The following DAB1 variants were observed in gnomAD, a reference collection of about 807,000 sequenced individuals.
DAB1 encodes disabled homolog 1.
A neutral mutation model predicts 64.6 loss-of-function variants in DAB1; 15 were observed. The observed-to-expected ratio is 0.23, with a 90% confidence interval of 0.16 to 0.36. The LOEUF (loss-of-function observed/expected upper bound fraction) is 0.36, where lower values mean the gene tolerates loss of function less well. Ranked by LOEUF, DAB1 falls within the 10% of genes least tolerant of loss-of-function variation. DAB1 has a pLI of 1.00. For synonymous variants in DAB1, 235 were observed against 251.9 expected, an observed-to-expected ratio of 0.93 and a Z score of 0.64; for missense variants, 596 against 706.7, an observed-to-expected ratio of 0.84 and a Z score of 1.78.
At chr1:57,979,255 C>A (rs138114396) in intron 5 of DAB1, among the ~76,000 whole-genome samples, 4 of 152,144 alleles carry the variant, frequency 2.6e-5, no homozygotes, top group Non-Finnish European at 5.9e-5. Context: ...TGAGTTCATG[C>A]CCTTTGCGGG....
At chr1:57,620,724 A>G in intron 7 of DAB1, among the ~76,000 whole-genome samples, 1 of 152,220 alleles carries the variant, frequency 6.6e-6, no homozygotes, top group East Asian at 1.9e-4. Context: ...GAGAGAACAC[A>G]GATGCAGAGA....
chr1:58,093,694 A>AG (rs1394491910), intron 5 of DAB1, among the ~76,000 whole-genome samples: 4 of 151,576 alleles, frequency 2.6e-5, no homozygotes, highest in South Asian at 2.1e-4. Flanking sequence ...AGGGTTCAAA[A>AG]GGGAAAAAAA....
At chr1:58,143,763 T>A (rs1041583179) in intron 5 of DAB1, among the ~76,000 whole-genome samples, 7 of 152,226 alleles carry the variant, frequency 4.6e-5, no homozygotes, top group Admixed American at 3.3e-4. Flanking sequence ...GCAAAGGGTT[T>A]CACTTTACTT....
chr1:57,689,255 C>A (rs1646735769), intron 6 of DAB1, among the ~76,000 whole-genome samples: 1 of 152,004 alleles, frequency 6.6e-6, no homozygotes, highest in South Asian at 2.1e-4. Context: ...ATATTTTACC[C>A]CATAATGTCC....
intron 2 of DAB1, among the ~76,000 whole-genome samples, chr1:57,261,471 C>T (rs754474449): frequency 4.6e-5 from 7 of 152,166 alleles, no homozygotes; most frequent in Non-Finnish European, 8.8e-5. Flanking sequence ...GTTTACTCTG[C>T]TCTCTGCTCC....
At chr1:58,124,626 T>A (rs561092243) in intron 5 of DAB1, among the ~76,000 whole-genome samples, 4 of 152,224 alleles carry the variant, frequency 2.6e-5, no homozygotes, top group Non-Finnish European at 5.9e-5. Flanking sequence ...GATACATGAT[T>A]TCTCTTAGAG....
chr1:57,013,174 C>T lies in DAB1; in HGVS notation c.1444+1709G>A, dbSNP rs752176630. Among the ~76,000 whole-genome samples, 11 of 152,326 alleles carry T rather than the reference C, an allele frequency of 7.2e-5. No individual in the cohort carries two copies. The East Asian group carries it at 1.9e-3, about 27-fold the overall frequency. ...ATGTCCATAGTGCCGAGGTTGCCAA[C>T]GATGCTCTAAAACATAACAGTAGCT... On this transcript the variant is annotated intron_variant, in intron 12 of 14. Transcript: ENST00000371236.
intron 1 of DAB1, among the ~76,000 whole-genome samples, chr1:57,359,670 A>G (rs998178302): frequency 2.0e-5 from 3 of 152,046 alleles, no homozygotes; most frequent in Non-Finnish European, 2.9e-5. Flanking sequence ...TATAATAGCC[A>G]AGATACGGAG....
chr1:57,979,116 A>C (rs1432511414), intron 5 of DAB1, among the ~76,000 whole-genome samples: 1 of 152,234 alleles, frequency 6.6e-6, no homozygotes, highest in Non-Finnish European at 1.5e-5. Context: ...ATGCACACAT[A>C]TGTTTATTGC....
At chr1:58,546,005 CA>C (rs892200971) in intron 1 of DAB1, among the ~76,000 whole-genome samples, 14 of 152,296 alleles carry the variant, frequency 9.2e-5, no homozygotes, top group Middle Eastern at 3.4e-3. Context: ...GCCTGAATGC[CA>C]AATAAGGGAT....
intron 4 of DAB1, among the ~76,000 whole-genome samples, chr1:58,164,792 T>C (rs1413534977): frequency 2.0e-5 from 3 of 152,156 alleles, no homozygotes; most frequent in Non-Finnish European, 4.4e-5. Context: ...CCACCCTTTA[T>C]TAAATGCAAG....
At chr1:57,111,348 T>A (rs1323105712) in intron 4 of DAB1, among the ~76,000 whole-genome samples, 1 of 152,198 alleles carries the variant, frequency 6.6e-6, no homozygotes, top group African/African-American at 2.4e-5. Flanking sequence ...CCTACTTCTA[T>A]GTACTACTGT....
intron 5 of DAB1, among the ~76,000 whole-genome samples, chr1:57,969,185 C>T (rs1395070796): frequency 1.3e-5 from 2 of 151,956 alleles, no homozygotes; most frequent in African/African-American, 2.4e-5. Flanking sequence ...CCTGTAAGAA[C>T]CATGAAATTT....
At chr1:57,619,665 G>T (rs1240669383) in intron 7 of DAB1, among the ~76,000 whole-genome samples, 3 of 152,128 alleles carry the variant, frequency 2.0e-5, no homozygotes, top group African/African-American at 7.2e-5. Flanking sequence ...GCCTCCCACG[G>T]TGCTATGATT....
At chr1:58,522,082 C>T (rs1646273588) in intron 2 of DAB1, among the ~76,000 whole-genome samples, 2 of 152,046 alleles carry the variant, frequency 1.3e-5, no homozygotes, top group Admixed American at 6.6e-5. Context: ...CCCAAAAATG[C>T]AACTTAACTT....
intron 5 of DAB1, among the ~76,000 whole-genome samples, chr1:57,977,712 C>T (rs1645955854): frequency 6.6e-6 from 1 of 152,078 alleles, no homozygotes; most frequent in Non-Finnish European, 1.5e-5. Flanking sequence ...GACGACATCC[C>T]CCGGACCCAC....
At chr1:57,226,869 C>A (rs1229302233) in intron 2 of DAB1, among the ~76,000 whole-genome samples, 1 of 151,818 alleles carries the variant, frequency 6.6e-6, no homozygotes, top group Non-Finnish European at 1.5e-5. Context: ...GCCATGAAAC[C>A]ATTTCATTCT....
chr1:57,175,558 T>C (rs904376891), intron 2 of DAB1, among the ~76,000 whole-genome samples: 3 of 152,172 alleles, frequency 2.0e-5, no homozygotes, highest in Non-Finnish European at 4.4e-5. Context: ...CACAAAAAAT[T>C]ACATCCAAAT....
chr1:58,079,639 G>A (rs559643023), intron 5 of DAB1, among the ~76,000 whole-genome samples: 12 of 144,670 alleles, frequency 8.3e-5, no homozygotes, highest in Non-Finnish European at 1.6e-4. Context: ...CTCTGCCTCA[G>A]CCTCCCGAGT....
Sources: allele counts gnomAD v4.1 joint callset (sites outside exome capture counted in the v4.1 genomes callset), GRCh38; gene constraint gnomAD v4.1.1; transcripts MANE v1.5; gene names NCBI Gene and HGNC (gene_info 2026-07-23, HGNC 2026-07-21).